EVI5: variants seen among roughly 807,000 people sequenced by gnomAD.
EVI5 encodes the protein ecotropic viral integration site 5.
In EVI5, 73 loss-of-function variants were observed where a neutral mutation model predicts 112.0. The ratio of observed to expected loss-of-function variants is 0.65; its 90% CI spans 0.54 to 0.79. The LOEUF (loss-of-function observed/expected upper bound fraction) is 0.79, where lower values mean the gene tolerates loss of function less well. EVI5 is among the 30% of genes least tolerant of loss of function. The pLI, the probability that EVI5 is intolerant of heterozygous loss-of-function variation, is 0.00. For missense variants in EVI5, 900 were observed against 968.8 expected, an observed-to-expected ratio of 0.93 and a Z score of 0.94; for synonymous variants, 305 against 319.9, an observed-to-expected ratio of 0.95 and a Z score of 0.50.
At chr1:92,593,567 C>T (rs1460117392) in intron 18 of EVI5, among the ~76,000 whole-genome samples, 1 of 152,136 alleles carries the variant, frequency 6.6e-6, no homozygotes, top group Non-Finnish European at 1.5e-5. Flanking sequence ...AAATTCTGGC[C>T]AGGGCAATCA....
At chr1:92,766,273 C>T (rs1314225542) in intron 1 of EVI5, among the ~76,000 whole-genome samples, 5 of 151,766 alleles carry the variant, frequency 3.3e-5, no homozygotes, top group South Asian at 2.1e-4. Context: ...AACCTTCCAA[C>T]GCCACAAACA....
chr1:92,715,814 C>T (rs964476668), intron 2 of EVI5, among the ~76,000 whole-genome samples: 3 of 152,120 alleles, frequency 2.0e-5, no homozygotes, highest in African/African-American at 4.8e-5. Flanking sequence ...TTATATCTCG[C>T]GCCTGGCTCG....
chr1:92,752,256 C>T (rs1680301765), intron 1 of EVI5, among the ~76,000 whole-genome samples: 1 of 152,046 alleles, frequency 6.6e-6, no homozygotes, highest in Non-Finnish European at 1.5e-5. Flanking sequence ...CTCACTACAG[C>T]CTCCGCCTCT....
intron 1 of EVI5, among the ~76,000 whole-genome samples, chr1:92,776,417 G>A (rs1684139879): frequency 1.3e-5 from 2 of 152,052 alleles, no homozygotes; most frequent in South Asian, 4.1e-4. Flanking sequence ...GAATAACAAA[G>A]CTATTAGAGA....
At chr1:92,577,971 C>T (rs1302477740) in intron 18 of EVI5, among the ~76,000 whole-genome samples, 2 of 152,062 alleles carry the variant, frequency 1.3e-5, no homozygotes, top group Non-Finnish European at 2.9e-5. Context: ...TTGTTTAGTG[C>T]AAGGTAGCTT....
Position 92,784,950 on chromosome 1 carries a change from C to G in EVI5, c.-196G>C. 1.6e-5 allele frequency: 16 copies of G among 985,920 alleles called. No individual in the cohort carries two copies. The highest frequency in any genetic ancestry group is 1.9e-5 in the Non-Finnish European group (16 of 830,346). The allele number at this position is 985,920 out of a possible 1,614,324, so 61.1% of individuals were successfully genotyped here. ...TCCTGGCTCCACGGGTCGCCCGTCCCGAGTTCCCAAAAGCACCACGCTCAC... is the reference window on the plus strand; with the variant it reads ...TCCTGGCTCCACGGGTCGCCCGTCCGGAGTTCCCAAAAGCACCACGCTCAC... On this transcript the variant is annotated 5_prime_UTR_variant, in exon 1 of 20. Coordinates refer to ENST00000684568, the MANE Select transcript of EVI5 (RefSeq NM_001350197.2).
chr1:92,655,983 C>G (rs896996085), intron 13 of EVI5, among the ~76,000 whole-genome samples: 3 of 152,088 alleles, frequency 2.0e-5, no homozygotes, highest in African/African-American at 7.2e-5. Flanking sequence ...TTCAACACCC[C>G]AATGACAGCA....
intron 19 of EVI5, among the ~76,000 whole-genome samples, chr1:92,520,793 G>A (rs1660771486): frequency 6.6e-6 from 1 of 151,378 alleles, no homozygotes; most frequent in South Asian, 2.1e-4. Context: ...CAAGGCTGCA[G>A]TGAGCTATGA....
At chr1:92,738,595 G>C (rs935939930) in intron 1 of EVI5, among the ~76,000 whole-genome samples, 2 of 152,212 alleles carry the variant, frequency 1.3e-5, no homozygotes, top group African/African-American at 2.4e-5. Flanking sequence ...GATTTAAAGA[G>C]TCTGAAATAA....
Position 92,712,885 on chromosome 1 carries a change from G to A in EVI5, c.150-8141C>T, listed in dbSNP as rs557106890. Among the ~76,000 whole-genome samples the A allele has an allele frequency of 7.3e-4, 110 of 151,680 alleles. 1 individual carries two copies. The highest frequency in any genetic ancestry group is 4.6e-3 in the South Asian group (22 of 4,820). On this transcript the variant is annotated intron_variant, in intron 2 of 19. Coordinates refer to ENST00000684568, the MANE Select transcript of EVI5 (RefSeq NM_001350197.2). Reference sequence around the variant, plus strand: ...AAGAGATATAATGCAGTCCACTTATGCAAAGCTAAATGTTCTAATCACTAC... The same window carrying A: ...AAGAGATATAATGCAGTCCACTTATACAAAGCTAAATGTTCTAATCACTAC...
chr1:92,629,063 T>C (rs1194259445), intron 14 of EVI5, among the ~76,000 whole-genome samples: 1 of 152,200 alleles, frequency 6.6e-6, no homozygotes, highest in Non-Finnish European at 1.5e-5. Flanking sequence ...TATCAAATAT[T>C]CAAAATCTTT....
At chr1:92,555,152 T>C (rs1667490507) in intron 19 of EVI5, among the ~76,000 whole-genome samples, 1 of 152,194 alleles carries the variant, frequency 6.6e-6, no homozygotes, top group East Asian at 1.9e-4. Flanking sequence ...AAAAACCCTA[T>C]TTACTTGGTT....
intron 7 of EVI5, among the ~76,000 whole-genome samples, chr1:92,694,718 A>G (rs1670036000): frequency 6.6e-6 from 1 of 152,226 alleles, no homozygotes; most frequent in South Asian, 2.1e-4. Flanking sequence ...TACATGAATC[A>G]CAGCTGACCA....
intron 19 of EVI5, among the ~76,000 whole-genome samples, chr1:92,530,418 A>C (rs1024572563): frequency 4.6e-5 from 7 of 152,116 alleles, no homozygotes; most frequent in African/African-American, 1.7e-4. Flanking sequence ...GGATCTCCCA[A>C]CACAGCGTTC....
intron 1 of EVI5, among the ~76,000 whole-genome samples, chr1:92,740,488 T>C (rs550445154): frequency 2.6e-5 from 4 of 152,326 alleles, no homozygotes; most frequent in Admixed American, 1.3e-4. Flanking sequence ...ACAATTTTCT[T>C]ACACTCTTTG....
At chr1:92,753,347 C>A (rs1387423371) in intron 1 of EVI5, among the ~76,000 whole-genome samples, 2 of 152,132 alleles carry the variant, frequency 1.3e-5, no homozygotes, top group Admixed American at 1.3e-4. Context: ...ATCAACCAAT[C>A]AATCAATCAA....
chr1:92,559,276 T>C (rs1026288455), intron 19 of EVI5, among the ~76,000 whole-genome samples: 5 of 152,212 alleles, frequency 3.3e-5, no homozygotes, highest in African/African-American at 9.7e-5. Context: ...AATCCACTGA[T>C]GCAAAATCCA....
At chr1:92,608,127 G>T (rs1194027517) in intron 16 of EVI5, among the ~76,000 whole-genome samples, 19 of 151,028 alleles carry the variant, frequency 1.3e-4, no homozygotes, top group Non-Finnish European at 2.7e-4. Flanking sequence ...CTCCAGCCTG[G>T]GCGACAGAGC....
chr1:92,556,380 GA>G (rs958101219), intron 19 of EVI5, among the ~76,000 whole-genome samples: 5 of 150,426 alleles, frequency 3.3e-5, no homozygotes, highest in East Asian at 3.9e-4. Flanking sequence ...CAAGCATAAG[GA>G]AAAAAAAATC....
Sources: gnomAD v4.1 joint callset for allele counts (sites outside exome capture counted in the v4.1 genomes callset) on GRCh38, gnomAD v4.1.1 for gene constraint, MANE v1.5 for transcripts, NCBI Gene and HGNC (gene_info 2026-07-23, HGNC 2026-07-21) for gene names.